The following MFHAS1 variants were observed in gnomAD, a reference collection of about 807,000 sequenced individuals.
The protein encoded by MFHAS1 is malignant fibrous histiocytoma-amplified sequence 1.
Under a neutral mutation model 70.4 loss-of-function variants are expected in MFHAS1, and 50 were observed. That is an observed-to-expected ratio of 0.71 (90% CI 0.57 to 0.90). MFHAS1 has a LOEUF of 0.90. Among genes scored for constraint, MFHAS1 ranks in the 40% least tolerant of loss-of-function variants. MFHAS1 has a pLI of 0.00. For missense variants in MFHAS1, 1,795 were observed against 1,347.6 expected (o/e 1.33, Z -5.20); for synonymous variants, 952 against 620.0 (o/e 1.54, Z -7.96).
chr8:8,872,493 T>C (rs1809116295), intron 1 of MFHAS1, among the ~76,000 whole-genome samples: 1 of 152,228 alleles, frequency 6.6e-6, no homozygotes, highest in Admixed American at 6.5e-5. Context: ...CTGGCTTTTC[T>C]TTTTAGCTAA....
intron 1 of MFHAS1, among the ~76,000 whole-genome samples, chr8:8,835,599 C>T (rs1288743354): frequency 1.3e-5 from 2 of 152,140 alleles, no homozygotes; most frequent in Non-Finnish European, 2.9e-5. Flanking sequence ...ACAATTTTTT[C>T]AACAACTTAA....
intron 1 of MFHAS1, among the ~76,000 whole-genome samples, chr8:8,820,889 G>C (rs1806928089): frequency 6.6e-6 from 1 of 152,170 alleles, no homozygotes; most frequent in African/African-American, 2.4e-5. Context: ...TGGATGCTTT[G>C]AACAAACCCA....
chr8:8,802,898 T>TC (rs1283019985), intron 1 of MFHAS1, among the ~76,000 whole-genome samples: 1 of 152,182 alleles, frequency 6.6e-6, no homozygotes, highest in Non-Finnish European at 1.5e-5. Flanking sequence ...AGGTGGAACA[T>TC]CCTTAAAGGG....
chr8:8,806,210 G>T (rs185809164), intron 1 of MFHAS1, among the ~76,000 whole-genome samples: 6 of 152,128 alleles, frequency 3.9e-5, no homozygotes, highest in Non-Finnish European at 8.8e-5. Flanking sequence ...CTGCAAAAGC[G>T]TCAGAGTCTT....
chr8:8,869,932 C>T (rs1018789143), intron 1 of MFHAS1, among the ~76,000 whole-genome samples: 9 of 152,162 alleles, frequency 5.9e-5, no homozygotes, highest in Middle Eastern at 3.4e-3. Flanking sequence ...GTCTGAATTA[C>T]CTCTAAGTGG....
At chr8:8,796,152 A>G (rs1007716517) in intron 2 of MFHAS1, among the ~76,000 whole-genome samples, 5 of 152,200 alleles carry the variant, frequency 3.3e-5, no homozygotes, top group African/African-American at 1.2e-4. Flanking sequence ...GTTATCTAGA[A>G]TAGTAGTAAC....
intron 1 of MFHAS1, among the ~76,000 whole-genome samples, chr8:8,812,881 C>G (rs770902366): frequency 6.6e-6 from 1 of 152,160 alleles, no homozygotes; most frequent in Non-Finnish European, 1.5e-5. Context: ...ATTCTCTGGC[C>G]TCAGCCTCCT....
chr8:8,816,214 T>C (rs1327233527), intron 1 of MFHAS1, among the ~76,000 whole-genome samples: 1 of 152,148 alleles, frequency 6.6e-6, no homozygotes, highest in Non-Finnish European at 1.5e-5. Flanking sequence ...ATACTCATGA[T>C]GGGGTCTGGG....
rs549855308 is a variant in MFHAS1 at position 8,787,133 on chromosome 8, T to A, written c.3126-1078A>T. Among the ~76,000 whole-genome samples, 12 of 151,278 alleles carry A rather than the reference T, an allele frequency of 7.9e-5. No homozygotes were observed. In the South Asian group the frequency reaches 1.0e-3, roughly 13 times the overall value. The stretch of plus-strand genomic sequence containing the variant: ...TCTCGCTCTGTTGCCCAGGCTGGAG[T>A]GCAGTGGCGCAATCTCGGCTCACTG... On this transcript the variant is annotated intron_variant, in intron 2 of 2. Coordinates refer to ENST00000276282, the MANE Select transcript of MFHAS1 (RefSeq NM_004225.3).
chr8:8,822,456 C>A (rs1806993826), intron 1 of MFHAS1, among the ~76,000 whole-genome samples: 1 of 148,484 alleles, frequency 6.7e-6, no homozygotes, highest in African/African-American at 2.5e-5. Context: ...GGACAGGGAC[C>A]AAGTCAGGGG....
intron 1 of MFHAS1, among the ~76,000 whole-genome samples, chr8:8,825,850 G>C (rs1807138187): frequency 6.6e-6 from 1 of 152,098 alleles, no homozygotes; most frequent in Non-Finnish European, 1.5e-5. Flanking sequence ...CTTGCTAAAG[G>C]AGCTGACTCT....
Position 8,785,473 on chromosome 8 carries a change from C to T in MFHAS1, c.*549G>A, listed in dbSNP as rs1024464749. The T allele has an allele frequency of 5.2e-5, 8 of 152,538 alleles. No individual in the cohort carries two copies. The highest frequency in any genetic ancestry group is 1.4e-4 in the African/African-American group (6 of 41,396). The allele number at this position is 152,538 out of a possible 1,614,324, so 9.4% of individuals were successfully genotyped here. On this transcript the variant is annotated 3_prime_UTR_variant, in exon 3 of 3. Coordinates refer to ENST00000276282, the MANE Select transcript of MFHAS1 (RefSeq NM_004225.3). ...AAATAAGAAATCAGCCCCATCTTGG[C>T]ACAGTTCTCATGCAGAATATTGCAC...
intron 1 of MFHAS1, among the ~76,000 whole-genome samples, chr8:8,864,215 C>A (rs1222999558): frequency 6.6e-6 from 1 of 152,194 alleles, no homozygotes; most frequent in Non-Finnish European, 1.5e-5. Context: ...TAAACCAAAT[C>A]TCTGGTGTTC....
At chr8:8,786,504 A>G (rs1011946454) in intron 2 of MFHAS1, among the ~76,000 whole-genome samples, 2 of 152,246 alleles carry the variant, frequency 1.3e-5, no homozygotes, top group African/African-American at 2.4e-5. Context: ...CCTAAAATGC[A>G]TGATTTTACT....
At chr8:8,854,026 T>G (rs1808341178) in intron 1 of MFHAS1, among the ~76,000 whole-genome samples, 1 of 152,210 alleles carries the variant, frequency 6.6e-6, no homozygotes, top group Non-Finnish European at 1.5e-5. Flanking sequence ...TGTGTTCACA[T>G]TATTAAATTA....
At chr8:8,798,518 T>C (rs929060660) in intron 1 of MFHAS1, among the ~76,000 whole-genome samples, 3 of 152,068 alleles carry the variant, frequency 2.0e-5, no homozygotes, top group African/African-American at 7.2e-5. Flanking sequence ...TTTATTTTTG[T>C]AGAGACAGGA....
At chr8:8,798,772 G>T (rs1805988602) in intron 1 of MFHAS1, among the ~76,000 whole-genome samples, 1 of 152,176 alleles carries the variant, frequency 6.6e-6, no homozygotes, top group Non-Finnish European at 1.5e-5. Context: ...CTCCGGGCTG[G>T]GCGCGGTGGC....
At chr8:8,814,881 C>G (rs957314276) in intron 1 of MFHAS1, among the ~76,000 whole-genome samples, 5 of 138,130 alleles carry the variant, frequency 3.6e-5, no homozygotes, top group African/African-American at 1.4e-4. Context: ...ATTTTAGGTT[C>G]TGGGGTACAT....
intron 2 of MFHAS1, among the ~76,000 whole-genome samples, chr8:8,786,862 G>A (rs1805561027): frequency 6.6e-6 from 1 of 151,830 alleles, no homozygotes; most frequent in African/African-American, 2.4e-5. Flanking sequence ...CACTTCTCCA[G>A]TCCATACAAG....
Sources: allele counts gnomAD v4.1 joint callset (sites outside exome capture counted in the v4.1 genomes callset), GRCh38; gene constraint gnomAD v4.1.1; transcripts MANE v1.5; gene names NCBI Gene and HGNC (gene_info 2026-07-23, HGNC 2026-07-21).